Variants in PDE4D observed in about 807,000 individuals in gnomAD.
PDE4D encodes 3',5'-cyclic-AMP phosphodiesterase 4D.
A neutral mutation model predicts 87.4 loss-of-function variants in PDE4D; 24 were observed. The ratio of observed to expected loss-of-function variants is 0.27; its 90% CI spans 0.20 to 0.39. PDE4D has a LOEUF of 0.39. PDE4D is among the 10% of genes least tolerant of loss of function. PDE4D has a pLI of 1.00. For missense variants in PDE4D, 714 were observed against 1,041.0 expected (o/e 0.69, Z 4.32); for synonymous variants, 384 against 383.2 (o/e 1.00, Z -0.02).
chr5:60,109,116 G>C (rs377370267), intron 2 of PDE4D, among the ~76,000 whole-genome samples: 14 of 151,352 alleles, frequency 9.2e-5, no homozygotes, highest in Middle Eastern at 3.4e-3. Flanking sequence ...ACTCATCTGA[G>C]AAAGGGCTAA....
intron 1 of PDE4D, among the ~76,000 whole-genome samples, chr5:59,513,112 T>G (rs914574041): frequency 6.6e-6 from 1 of 152,134 alleles, no homozygotes; most frequent in Non-Finnish European, 1.5e-5. Context: ...GCCGCTATCT[T>G]TTTGGTAATC....
chr5:59,150,831 A>G (rs568657736), intron 5 of PDE4D, among the ~76,000 whole-genome samples: 2 of 152,170 alleles, frequency 1.3e-5, no homozygotes, highest in Non-Finnish European at 2.9e-5. Flanking sequence ...AGAAAAAAAA[A>G]TTTTTAAATC....
intron 5 of PDE4D, among the ~76,000 whole-genome samples, chr5:59,069,491 ACT>A (rs531051179): frequency 2.4e-4 from 35 of 148,904 alleles, no homozygotes; most frequent in African/African-American, 8.6e-4. Flanking sequence ...CTATCTGTAG[ACT>A]CTCTTATGGA....
At chr5:60,404,411 G>T (rs974428381) in intron 1 of PDE4D, among the ~76,000 whole-genome samples, 38 of 152,270 alleles carry the variant, frequency 2.5e-4, no homozygotes, top group African/African-American at 9.1e-4. Context: ...CTCTGCTCAA[G>T]TGACTACAAA....
At chr5:59,951,648 C>A (rs1758303567) in intron 3 of PDE4D, among the ~76,000 whole-genome samples, 1 of 152,126 alleles carries the variant, frequency 6.6e-6, no homozygotes, top group African/African-American at 2.4e-5. Context: ...ACATGACAGC[C>A]ACATTTATTA....
chr5:59,658,205 A>G (rs1392971101), intron 1 of PDE4D, among the ~76,000 whole-genome samples: 1 of 152,204 alleles, frequency 6.6e-6, no homozygotes, highest in Non-Finnish European at 1.5e-5. Context: ...ATCCTTTAAA[A>G]AAGCATGATA....
intron 1 of PDE4D, among the ~76,000 whole-genome samples, chr5:59,320,859 A>C (rs1253430276): frequency 6.6e-6 from 1 of 151,814 alleles, no homozygotes; most frequent in African/African-American, 2.4e-5. Flanking sequence ...CAACGAACCC[A>C]CCAACCAATC....
At chr5:60,474,105 C>CATATATATATATATATAT (rs1158022321) in intron 1 of PDE4D, among the ~76,000 whole-genome samples, 7 of 30,996 alleles carry the variant, frequency 2.3e-4, no homozygotes, top group Non-Finnish European at 3.8e-4. Context: ...TTTGAGCTGC[C>CATATATATATATATATAT]ATATATATAT....
chr5:59,708,801 A>AC (rs1753802444), intron 1 of PDE4D, among the ~76,000 whole-genome samples: 1 of 152,120 alleles, frequency 6.6e-6, no homozygotes, highest in South Asian at 2.1e-4. Context: ...AAGAGGTATT[A>AC]CCTAAGCTTT....
intron 2 of PDE4D, among the ~76,000 whole-genome samples, chr5:60,143,603 TTGTG>T (rs34236719): frequency 0.11 from 13,089 of 117,642 alleles, 499 homozygotes; most frequent in East Asian, 0.2. Flanking sequence ...AGCTTGGGAA[TTGTG>T]TGTGTGTGTG....
intron 1 of PDE4D, among the ~76,000 whole-genome samples, chr5:59,473,173 T>G (rs1802745995): frequency 6.6e-6 from 1 of 151,764 alleles, no homozygotes; most frequent in African/African-American, 2.4e-5. Context: ...AAAAAGACTG[T>G]TTCAGGTCTT....
At position 58,974,445 on chromosome 5, in the gene PDE4D, C is replaced by T. The variant is rs904368689; in HGVS notation, c.*219G>A. 13 of 367,764 alleles carry T rather than the reference C, an allele frequency of 3.5e-5. No homozygotes were observed. The highest frequency in any genetic ancestry group is 1.2e-4 in the South Asian group (1 of 8,160). 22.8% of individuals were successfully genotyped at this position (367,764 alleles called of 1,614,324 possible). A position where few individuals can be genotyped will look rare whatever the true frequency, so the allele number is the denominator to read the frequency against. On this transcript the variant is annotated 3_prime_UTR_variant, in exon 15 of 15. Transcript: ENST00000340635. ...TACCAAGCTGAAATCTTGTTAAAAA[C>T]GCTGTTCGTGAAGATGTCCACCTTG...
At chr5:60,037,546 T>G (rs1767948605) in intron 2 of PDE4D, among the ~76,000 whole-genome samples, 1 of 152,218 alleles carries the variant, frequency 6.6e-6, no homozygotes, top group African/African-American at 2.4e-5. Flanking sequence ...AATGTTTATG[T>G]GCCAATCACT....
chr5:60,446,119 T>C (rs1019392457), intron 1 of PDE4D, among the ~76,000 whole-genome samples: 2 of 152,106 alleles, frequency 1.3e-5, no homozygotes, highest in African/African-American at 2.4e-5. Context: ...CATATCAGAT[T>C]GGCAACATTT....
intron 1 of PDE4D, among the ~76,000 whole-genome samples, chr5:60,282,449 T>C (rs997732166): frequency 6.6e-6 from 1 of 152,106 alleles, no homozygotes; most frequent in South Asian, 2.1e-4. Flanking sequence ...TTCTTTTTCC[T>C]CTAAGTGGCT....
At chr5:58,976,893 C>T (rs1375275546) in intron 12 of PDE4D, among the ~76,000 whole-genome samples, 1 of 152,202 alleles carries the variant, frequency 6.6e-6, no homozygotes, top group Non-Finnish European at 1.5e-5. Flanking sequence ...TCCATTTGAG[C>T]TGTGGCCCAC....
At chr5:59,815,994 A>G (rs1201073317) in intron 1 of PDE4D, among the ~76,000 whole-genome samples, 1 of 152,248 alleles carries the variant, frequency 6.6e-6, no homozygotes, top group Non-Finnish European at 1.5e-5. Flanking sequence ...AATGTGGAAA[A>G]GCCATACATA....
At chr5:59,613,978 T>C (rs1310169626) in intron 1 of PDE4D, among the ~76,000 whole-genome samples, 1 of 152,202 alleles carries the variant, frequency 6.6e-6, no homozygotes, top group Non-Finnish European at 1.5e-5. Flanking sequence ...AAAAAACTTT[T>C]TTCTTAATTT....
At chr5:60,134,658 T>G (rs1779878225) in intron 2 of PDE4D, among the ~76,000 whole-genome samples, 1 of 152,208 alleles carries the variant, frequency 6.6e-6, no homozygotes, top group Non-Finnish European at 1.5e-5. Flanking sequence ...CCCATTCACA[T>G]CCTCTCATAT....
Sources: allele counts gnomAD v4.1 joint callset (sites outside exome capture counted in the v4.1 genomes callset), GRCh38; gene constraint gnomAD v4.1.1; transcripts MANE v1.5; gene names NCBI Gene and HGNC (gene_info 2026-07-23, HGNC 2026-07-21).